The following CNOT1 variants were observed in gnomAD, a reference collection of about 807,000 sequenced individuals.
CNOT1 encodes the protein CCR4-associated factor 1.
A neutral mutation model predicts 273.8 loss-of-function variants in CNOT1; 15 were observed. That is an observed-to-expected ratio of 0.05 (90% confidence interval 0.04 to 0.08). The LOEUF is 0.08. CNOT1 is among the 10% of genes least tolerant of loss of function. CNOT1 has a pLI of 1.00. For missense variants in CNOT1, 1,644 were observed against 2,912.2 expected (o/e 0.56, Z 10.02); for synonymous variants, 1,022 against 1,005.5 (o/e 1.02, Z -0.31).
chr16:58,615,984 G>C (rs1567446518), intron 1 of CNOT1, among the ~76,000 whole-genome samples: 1 of 121,946 alleles, frequency 8.2e-6, no homozygotes, highest in Non-Finnish European at 1.9e-5. Flanking sequence ...CTACTAGAGA[G>C]GCTGAAGGGG....
At chr16:58,564,920 G>C (rs189662168) in intron 16 of CNOT1, among the ~76,000 whole-genome samples, 1 of 152,028 alleles carries the variant, frequency 6.6e-6, no homozygotes, top group African/African-American at 2.4e-5. Flanking sequence ...TGGGTAACAA[G>C]AGAAAAACTC....
chr16:58,551,351 TTA>T, intron 23 of CNOT1, 79 bp from the exon 24 acceptor site: 1 of 1,415,080 alleles, frequency 7.1e-7, no homozygotes, highest in Non-Finnish European at 9.5e-7. Context: ...GTATACAGAT[TTA>T]GTGTTAAAAA....
intron 12 of CNOT1, among the ~76,000 whole-genome samples, chr16:58,579,374 A>AT (rs2041575705): frequency 1.3e-5 from 2 of 152,210 alleles, no homozygotes; most frequent in South Asian, 4.1e-4. Context: ...TTTAAAAGAC[A>AT]TTTTTGAGCC....
rs191786569 is a variant in CNOT1, at chr16:58,580,306, A to T, written c.1343+327T>A. Among the ~76,000 whole-genome samples, 28 of 151,586 alleles carry T rather than the reference A, an allele frequency of 1.8e-4. 1 individual carries two copies. The East Asian group carries it at 5.4e-3, about 29-fold the overall frequency. On this transcript the variant is annotated intron_variant, in intron 12 of 48. Coordinates refer to ENST00000317147, the MANE Select transcript of CNOT1 (RefSeq NM_016284.5). ...GCCACCTTGAGCAACTTACAAATAA[A>T]AAAAAAAAAAGGCATAAGCTCTACA...
intron 24 of CNOT1, among the ~76,000 whole-genome samples, chr16:58,550,372 C>A (rs1333893233): frequency 6.6e-6 from 1 of 152,146 alleles, no homozygotes; most frequent in Non-Finnish European, 1.5e-5. Flanking sequence ...TCTATTAATA[C>A]CTCCACTACC....
At chr16:58,570,852 G>C (rs1382507243) in intron 16 of CNOT1, among the ~76,000 whole-genome samples, 1 of 151,736 alleles carries the variant, frequency 6.6e-6, no homozygotes, top group African/African-American at 2.4e-5. Flanking sequence ...AAGAAACATA[G>C]GAGTTAAGAT....
At position 58,538,890 on chromosome 16, in the gene CNOT1, T is replaced by G. The variant is rs1171493850; in HGVS notation, c.5017A>C (p.Thr1673Pro). 6.2e-7 allele frequency: 1 copy of G among 1,609,442 alleles called. No homozygotes were observed. The highest frequency in any genetic ancestry group is 8.5e-7 in the Non-Finnish European group (1 of 1,179,242). The stretch of plus-strand genomic sequence containing the variant: ...AGAAGGTCAGCATCAGCACCACTTG[T>G]GGCATCTAGTAAGCCCTCTACAGCC... ...QKAVEGLLDA[T>P]SGADADLLLR... The change falls in exon 36 of 49, where the codon ACA (threonine) becomes CCA (proline). Residue 1673 changes from threonine (T) to proline (P), a missense_variant. Coordinates refer to ENST00000317147, the MANE Select transcript of CNOT1 (RefSeq NM_016284.5).
chr16:58,612,464 C>T (rs1193964249), intron 1 of CNOT1, among the ~76,000 whole-genome samples: 3 of 152,198 alleles, frequency 2.0e-5, no homozygotes, highest in Middle Eastern at 3.4e-3. Flanking sequence ...ATCAGACTGG[C>T]GCCGTGGCTC....
intron 1 of CNOT1, among the ~76,000 whole-genome samples, chr16:58,603,406 AAAGTGTGTGTGTGT>A (rs2042543595): frequency 1.2e-5 from 1 of 86,072 alleles, no homozygotes; most frequent in South Asian, 4.0e-4. Context: ...CTACAATTTA[AAAGTGTGTGTGTGT>A]GTGTGTGTGT....
rs763782928 is a variant in CNOT1, at chr16:58,545,476, G to A, written c.4022C>T (p.Pro1341Leu). Residue 1341 changes from proline (P) to leucine (L), a missense_variant, in exon 30 of 49, where the codon CCA becomes CTA. Pro to Leu is a moderately conservative substitution (Grantham distance 98). Transcript: ENST00000317147. ...PITTTTTSTTPATNTTCTATV... is the reference protein window; with the variant it reads ...PITTTTTSTTLATNTTCTATV... ...GGCTGTACAAGTGGTGTTGGTAGCT[G>A]GTGTAGTAGAAGTTGCTAAATGTCA... is the stretch of plus-strand genomic sequence containing the variant. 3.1e-6 allele frequency: 5 copies of A among 1,613,798 alleles called. No homozygotes were observed. Among genetic ancestry groups the A allele is most frequent in the Non-Finnish European group, 4.2e-6 (5 of 1,179,912 alleles).
Position 58,581,502 on chromosome 16 carries a change from T to C in CNOT1, c.1058A>G (p.Asn353Ser). The C allele has an allele frequency of 1.9e-6, 3 of 1,611,528 alleles. No individual in the cohort carries two copies. The highest frequency in any genetic ancestry group is 2.5e-6 in the Non-Finnish European group (3 of 1,179,126). ...DVLKELNPSL[N>S]FKEVTYELDH... is the part of the protein sequence containing the mutation. ...CAGTTCATAAGTTACTTCCTTGAAA[T>C]TCAAACTTGGATTCTAAAAAAGACC... is the stretch of plus-strand genomic sequence containing the variant. The change falls in exon 11 of 49, where the codon AAT becomes AGT. Residue 353 changes from asparagine (N) to serine (S), a missense_variant. Transcript: ENST00000317147.
intron 44 of CNOT1, among the ~76,000 whole-genome samples, chr16:58,527,565 CAAT>C (rs1416729099): frequency 4.0e-5 from 6 of 151,742 alleles, no homozygotes; most frequent in African/African-American, 1.2e-4. Flanking sequence ...AATAATACAA[CAAT>C]AAAAAACACA....
At chr16:58,625,879 T>G (rs887873684) in intron 1 of CNOT1, among the ~76,000 whole-genome samples, 37 of 112,332 alleles carry the variant, frequency 3.3e-4, no homozygotes, top group African/African-American at 1.1e-3. Context: ...AAAAAAAAAC[T>G]ATTGTATACA....
chr16:58,581,288 C>T, intron 11 of CNOT1, 57 bp downstream of exon 11: 1 of 1,532,310 alleles, frequency 6.5e-7, no homozygotes, highest in East Asian at 2.3e-5. Flanking sequence ...GATGGCACTA[C>T]ATAAAGAATA....
At chr16:58,569,986 G>A (rs1194721411) in intron 16 of CNOT1, among the ~76,000 whole-genome samples, 3 of 152,104 alleles carry the variant, frequency 2.0e-5, no homozygotes, top group Non-Finnish European at 4.4e-5. Context: ...TATCTTACCA[G>A]CAGCAAGATA....
rs183690920 is a variant in CNOT1 at position 58,607,716 on chromosome 16, A to G, written c.-174-8205T>C. On this transcript the variant is annotated intron_variant, in intron 1 of 48. Transcript: ENST00000317147. ...TACTCCAGCCTGGGCAACAACAGCA[A>G]AACTCAAAAAAAAAAAAAAAAAGAA... Among the ~76,000 whole-genome samples the G allele has an allele frequency of 3.4e-3, 399 of 116,598 alleles. 12 individuals carry two copies. The highest frequency in any genetic ancestry group is 1.4e-3 in the Non-Finnish European group (78 of 57,442). The allele number at this position is 116,598 out of a possible 152,430, so 76.5% of individuals were successfully genotyped here. A position where few individuals can be genotyped will look rare whatever the true frequency, so the allele number is the denominator to read the frequency against.
intron 45 of CNOT1, among the ~76,000 whole-genome samples, 164 bp downstream of exon 45, chr16:58,525,825 T>C (rs777451139): frequency 3.3e-5 from 5 of 152,244 alleles, no homozygotes; most frequent in African/African-American, 1.2e-4. Flanking sequence ...AAAATATCAC[T>C]GATTAAATGA....
intron 16 of CNOT1, 81 bp downstream of exon 16, chr16:58,574,528 C>T: frequency 5.8e-6 from 8 of 1,379,120 alleles, no homozygotes; most frequent in Non-Finnish European, 7.8e-6. Context: ...GTCACTTTCA[C>T]TGAACCTCTT....
intron 1 of CNOT1, among the ~76,000 whole-genome samples, chr16:58,607,081 G>A (rs2042708333): frequency 6.6e-6 from 1 of 152,150 alleles, no homozygotes; most frequent in Admixed American, 6.5e-5. Context: ...ATGACACTAA[G>A]TGACTAAGTG....
Sources: gnomAD v4.1 joint callset for allele counts (sites outside exome capture counted in the v4.1 genomes callset) on GRCh38, gnomAD v4.1.1 for gene constraint, MANE v1.5 for transcripts, NCBI Gene and HGNC (gene_info 2026-07-23, HGNC 2026-07-21) for gene names.